Variants in TEX14 observed in about 807,000 individuals in gnomAD.
TEX14 encodes the protein testis expressed 14, intercellular bridge forming factor.
Under a neutral mutation model 178.6 loss-of-function variants are expected in TEX14, and 168 were observed. The ratio of observed to expected loss-of-function variants is 0.94; its 90% CI spans 0.83 to 1.07. The LOEUF (loss-of-function observed/expected upper bound fraction) is 1.07. TEX14 is among the 50% of genes least tolerant of loss of function. The pLI is 0.00. For synonymous variants in TEX14, 626 were observed against 634.1 expected (o/e 0.99, Z 0.19); for missense variants, 1,730 against 1,753.6 (o/e 0.99, Z 0.24).
At chr17:58,676,993 C>A (rs1342794744) in intron 1 of TEX14, among the ~76,000 whole-genome samples, 7 of 149,904 alleles carry the variant, frequency 4.7e-5, no homozygotes, top group Non-Finnish European at 7.4e-5. Context: ...GTGGCGGGTG[C>A]CTGTAATCCC....
chr17:58,658,866 A>G (rs750802011), intron 1 of TEX14, among the ~76,000 whole-genome samples: 7 of 151,966 alleles, frequency 4.6e-5, no homozygotes, highest in Non-Finnish European at 8.8e-5. Flanking sequence ...GCAGTGGCAC[A>G]ATATTGGCTC....
chr17:58,663,727 C>T (rs1321907267), intron 1 of TEX14, among the ~76,000 whole-genome samples: 2 of 152,064 alleles, frequency 1.3e-5, no homozygotes, highest in African/African-American at 2.4e-5. Flanking sequence ...CTTGACCTCC[C>T]GAAGTGCTGG....
At chr17:58,562,395 G>C (rs1008889157) in intron 28 of TEX14, among the ~76,000 whole-genome samples, 6 of 152,240 alleles carry the variant, frequency 3.9e-5, no homozygotes, top group Non-Finnish European at 7.3e-5. Flanking sequence ...ACAGCACTGA[G>C]ATGACTGAGC....
intron 20 of TEX14, 59 bp downstream of exon 20, chr17:58,579,606 C>A: frequency 7.1e-7 from 1 of 1,416,722 alleles, no homozygotes; most frequent in South Asian, 1.2e-5. Flanking sequence ...CATCTGTGAT[C>A]CAACAGAAGA....
chr17:58,599,586 T>C lies in TEX14; in HGVS notation c.1759A>G (p.Met587Val). 4.3e-6 allele frequency: 7 copies of C among 1,613,880 alleles called. No individual in the cohort carries two copies. Among genetic ancestry groups the C allele is most frequent in the African/African-American group, 1.3e-5 (1 of 74,966 alleles). Residue 587 changes from methionine (M) to valine (V), a missense_variant, in exon 14 of 32, where the codon ATG becomes GTG. Met to Val is a conservative substitution (Grantham distance 21). This residue lies in a region of TEX14 where 941 missense variants were observed against 1,072.4 expected (regional missense o/e 0.88). Coordinates refer to ENST00000349033, the MANE Select transcript of TEX14 (RefSeq NM_031272.5). ...TCTTGATTCTGAGTCTCCCTGGCCA[T>C]CAGACATGGATCTGGGGCCTGAGGA... ...LDPQAPDPCL[M>V]ARETQNQDAP... is the part of the protein sequence containing the mutation.
At chr17:58,567,849 A>C (rs1411646429) in intron 26 of TEX14, 1 of 152,266 alleles carries the variant, frequency 6.6e-6, no homozygotes, top group Admixed American at 6.5e-5. Flanking sequence ...GCCAGAGCCC[A>C]GGACAAAGTC....
At chr17:58,689,140 C>T (rs1376740071) in intron 1 of TEX14, among the ~76,000 whole-genome samples, 1 of 152,028 alleles carries the variant, frequency 6.6e-6, no homozygotes, top group East Asian at 1.9e-4. Context: ...CCGTGTTAGC[C>T]AGGATAGTCT....
At chr17:58,589,651 A>G (rs1030368623) in intron 15 of TEX14, among the ~76,000 whole-genome samples, 3 of 148,080 alleles carry the variant, frequency 2.0e-5, no homozygotes, top group Non-Finnish European at 4.4e-5. Context: ...ACCAGAAAGC[A>G]GAGAGACTGC....
At chr17:58,571,619 A>G (rs540983232) in intron 24 of TEX14, among the ~76,000 whole-genome samples, 3 of 152,276 alleles carry the variant, frequency 2.0e-5, no homozygotes, top group East Asian at 3.9e-4. Flanking sequence ...AAGTAGAAGA[A>G]GAGGAGGAGA....
chr17:58,581,716 T>A, intron 19 of TEX14: 1 of 1,611,940 alleles, frequency 6.2e-7, no homozygotes, highest in Non-Finnish European at 8.5e-7. Context: ...AACAAGTTGA[T>A]TGCATGGACT....
At chr17:58,610,822 G>A (rs1301950494) in intron 10 of TEX14, among the ~76,000 whole-genome samples, 3 of 151,838 alleles carry the variant, frequency 2.0e-5, no homozygotes, top group Non-Finnish European at 4.4e-5. Context: ...GGAGGCGGAG[G>A]TTGCAGTGAG....
intron 17 of TEX14, 66 bp from the exon 18 acceptor site, chr17:58,586,148 A>C: frequency 6.8e-7 from 1 of 1,481,318 alleles, no homozygotes; most frequent in Non-Finnish European, 9.1e-7. Flanking sequence ...GCTTTCATCT[A>C]AAAGAAATAC....
At chr17:58,645,568 C>T (rs1037181834) in intron 2 of TEX14, among the ~76,000 whole-genome samples, 12 of 151,882 alleles carry the variant, frequency 7.9e-5, no homozygotes, top group African/African-American at 1.5e-4. Context: ...CCATGTTACC[C>T]GGGATGGTCT....
intron 11 of TEX14, among the ~76,000 whole-genome samples, chr17:58,603,690 TAAAAATAGA>T (rs2045529452): frequency 6.6e-6 from 1 of 150,564 alleles, no homozygotes; most frequent in African/African-American, 2.4e-5. Flanking sequence ...CCGTCTGTAC[TAAAAATAGA>T]AAAAATTAGC....
chr17:58,660,517 GC>G (rs1323355609), intron 1 of TEX14: 6 of 723,650 alleles, frequency 8.3e-6, no homozygotes, highest in Non-Finnish European at 1.5e-5. Context: ...GGGGAAGGCT[GC>G]ATGGTTTTCC....
At chr17:58,603,281 G>C (rs7209498) in intron 11 of TEX14, among the ~76,000 whole-genome samples, 2 of 151,370 alleles carry the variant, frequency 1.3e-5, no homozygotes, top group Non-Finnish European at 2.9e-5. Flanking sequence ...TTGGCCGGGC[G>C]TGGTGGCTCA....
chr17:58,607,983 C>T (rs896598265), intron 10 of TEX14, among the ~76,000 whole-genome samples: 1 of 152,044 alleles, frequency 6.6e-6, no homozygotes, highest in African/African-American at 2.4e-5. Context: ...TCCTGTGTCC[C>T]CCACCCACAG....
At chr17:58,595,056 A>G (rs781503415) in intron 14 of TEX14, among the ~76,000 whole-genome samples, 12 of 152,208 alleles carry the variant, frequency 7.9e-5, no homozygotes, top group Admixed American at 1.3e-4. Context: ...AGACAGCCCT[A>G]TATCATGATG....
chr17:58,649,291 G>T (rs1024175037), intron 2 of TEX14, among the ~76,000 whole-genome samples: 1 of 151,050 alleles, frequency 6.6e-6, no homozygotes. Context: ...TGTTGGCCAG[G>T]CTGGTCTCAA....
Sources: allele counts gnomAD v4.1 joint callset (sites outside exome capture counted in the v4.1 genomes callset), GRCh38; gene constraint gnomAD v4.1.1; regional missense constraint gnomAD v4.1.1; transcripts MANE v1.5; gene names NCBI Gene and HGNC (gene_info 2026-07-23, HGNC 2026-07-21).